CDK19: variants seen among roughly 807,000 people sequenced by gnomAD.
CDK19 encodes the protein cyclin-dependent kinase 19.
In CDK19, 20 loss-of-function variants were observed where a neutral mutation model predicts 68.3. That is an observed-to-expected ratio of 0.29 (90% CI 0.21 to 0.43). The LOEUF is 0.43. Ranked by LOEUF, CDK19 falls within the 20% of genes least tolerant of loss-of-function variation. CDK19 has a pLI of 1.00. For synonymous variants in CDK19, 221 were observed against 222.8 expected, an observed-to-expected ratio of 0.99 and a Z score of 0.07; for missense variants, 339 against 623.5, an observed-to-expected ratio of 0.54 and a Z score of 4.86.
chr6:110,798,322 G>C (rs956226337), intron 1 of CDK19, among the ~76,000 whole-genome samples: 4 of 151,998 alleles, frequency 2.6e-5, no homozygotes, highest in Non-Finnish European at 5.9e-5. Context: ...AAAAATACAA[G>C]TTTGAAAAAA....
intron 9 of CDK19, 45 bp downstream of exon 9, chr6:110,623,245 A>C: frequency 6.6e-7 from 1 of 1,504,404 alleles, no homozygotes; most frequent in Non-Finnish European, 9.2e-7. Flanking sequence ...AGAAGGCGAG[A>C]TTTGTGCTGA....
At chr6:110,794,633 G>A (rs937213132) in intron 1 of CDK19, among the ~76,000 whole-genome samples, 6 of 151,498 alleles carry the variant, frequency 4.0e-5, no homozygotes, top group Admixed American at 6.6e-5. Flanking sequence ...TCGATCTCCT[G>A]ACCTCGTGAT....
intron 4 of CDK19, among the ~76,000 whole-genome samples, chr6:110,640,834 G>A (rs1295349796): frequency 6.6e-6 from 1 of 152,126 alleles, no homozygotes; most frequent in African/African-American, 2.4e-5. Context: ...GCACATGCCT[G>A]TGGTCCCAGC....
chr6:110,684,807 A>G (rs997511937), intron 2 of CDK19, among the ~76,000 whole-genome samples: 1 of 152,208 alleles, frequency 6.6e-6, no homozygotes, highest in Admixed American at 6.5e-5. Flanking sequence ...TATACCTGCA[A>G]TGATGCCAAC....
At chr6:110,647,391 TG>T (rs1403206025) in intron 4 of CDK19, among the ~76,000 whole-genome samples, 4 of 62,722 alleles carry the variant, frequency 6.4e-5, no homozygotes, top group African/African-American at 1.8e-4. Flanking sequence ...TGAAGGGGGG[TG>T]GGGGGGAGGG....
intron 4 of CDK19, among the ~76,000 whole-genome samples, chr6:110,658,810 G>C (rs1781454267): frequency 6.6e-6 from 1 of 150,974 alleles, no homozygotes; most frequent in South Asian, 2.1e-4. Context: ...AGGCATTCTG[G>C]GGGGAAAAAG....
chr6:110,777,077 C>T (rs1014358295), intron 1 of CDK19, among the ~76,000 whole-genome samples: 4 of 152,146 alleles, frequency 2.6e-5, no homozygotes, highest in East Asian at 3.8e-4. Context: ...TCATACAAAC[C>T]GGCATCTATC....
intron 2 of CDK19, among the ~76,000 whole-genome samples, chr6:110,713,700 A>G (rs1775147467): frequency 6.6e-6 from 1 of 151,988 alleles, no homozygotes; most frequent in Non-Finnish European, 1.5e-5. Context: ...TTAGTTTTAA[A>G]TTTTTTACTT....
At chr6:110,796,882 C>T (rs968972409) in intron 1 of CDK19, among the ~76,000 whole-genome samples, 1 of 151,212 alleles carries the variant, frequency 6.6e-6, no homozygotes, top group South Asian at 2.1e-4. Flanking sequence ...TGGTGGCACA[C>T]ACCTGTAATC....
Position 110,629,893 on chromosome 6 carries a change from C to T in CDK19, c.646+2137G>A, listed in dbSNP as rs547868345. On this transcript the variant is annotated intron_variant, in intron 6 of 12. Coordinates refer to ENST00000368911, the MANE Select transcript of CDK19 (RefSeq NM_015076.5). ...ATCTTTAAGCGGTAAATTTCATTTA[C>T]CAAGCAAGTGAGTTGCAAGCTGGTT... Among the ~76,000 whole-genome samples the T allele has an allele frequency of 6.6e-5, 10 of 152,106 alleles. No individual in the cohort carries two copies. In the South Asian group the frequency reaches 2.1e-3, roughly 32 times the overall value.
At chr6:110,752,811 T>A (rs1778563155) in intron 1 of CDK19, among the ~76,000 whole-genome samples, 1 of 151,740 alleles carries the variant, frequency 6.6e-6, no homozygotes, top group Non-Finnish European at 1.5e-5. Context: ...CAAGCAATCC[T>A]CCTTCCTGGC....
intron 2 of CDK19, among the ~76,000 whole-genome samples, chr6:110,730,943 T>A (rs770275710): frequency 6.6e-6 from 1 of 151,884 alleles, no homozygotes; most frequent in Non-Finnish European, 1.5e-5. Context: ...TCCCAGCTAC[T>A]TGGGAGGCTG....
chr6:110,628,674 G>T (rs1349828059), intron 6 of CDK19, among the ~76,000 whole-genome samples: 1 of 152,196 alleles, frequency 6.6e-6, no homozygotes, highest in East Asian at 1.9e-4. Flanking sequence ...GCAGATAAGT[G>T]GGGACTACTG....
rs752420840 is a variant in CDK19 at position 110,746,222 on chromosome 6, A to G, written c.129-21T>C. 4 of 1,476,506 alleles carry G rather than the reference A, an allele frequency of 2.7e-6. No individual in the cohort carries two copies. In the East Asian group the frequency reaches 9.3e-5, roughly 34 times the overall value. 91.5% of individuals were successfully genotyped at this position (1,476,506 alleles called of 1,614,324 possible). The stretch of plus-strand genomic sequence containing the variant: ...CTTTTCTGCACATAAACAAAAAAAC[A>G]TCATTTTTCCATATATCACTTTCAG... On this transcript the variant is annotated intron_variant, in intron 1 of 12. Coordinates refer to ENST00000368911, the MANE Select transcript of CDK19 (RefSeq NM_015076.5).
chr6:110,697,823 A>T (rs1773613390), intron 2 of CDK19, among the ~76,000 whole-genome samples: 1 of 152,214 alleles, frequency 6.6e-6, no homozygotes, highest in African/African-American at 2.4e-5. Context: ...AGGCACACAG[A>T]CCAACAGAAC....
At chr6:110,625,807 A>T (rs1024947601) in intron 8 of CDK19, among the ~76,000 whole-genome samples, 1 of 152,138 alleles carries the variant, frequency 6.6e-6, no homozygotes, top group Non-Finnish European at 1.5e-5. Context: ...TGTGAGAAAA[A>T]GGGGTTAGAA....
intron 1 of CDK19, among the ~76,000 whole-genome samples, chr6:110,807,442 G>A (rs977996094): frequency 3.9e-5 from 6 of 152,100 alleles, no homozygotes; most frequent in East Asian, 1.9e-4. Context: ...GATGACTTAC[G>A]TTACACTGGT....
chr6:110,673,847 A>C (rs1247021382), intron 2 of CDK19, among the ~76,000 whole-genome samples: 2 of 152,112 alleles, frequency 1.3e-5, no homozygotes, highest in African/African-American at 4.8e-5. Flanking sequence ...CTCCCACTTC[A>C]GCCTCCCAAA....
intron 2 of CDK19, among the ~76,000 whole-genome samples, chr6:110,676,118 A>C (rs541004897): frequency 7.2e-5 from 11 of 152,200 alleles, no homozygotes; most frequent in Non-Finnish European, 1.2e-4. Context: ...AATGTGGAAA[A>C]AGTTGATTCC....
Sources: allele counts gnomAD v4.1 joint callset (sites outside exome capture counted in the v4.1 genomes callset), GRCh38; gene constraint gnomAD v4.1.1; transcripts MANE v1.5; gene names NCBI Gene and HGNC (gene_info 2026-07-23, HGNC 2026-07-21).